Variants in FGF13 observed in about 807,000 individuals in gnomAD.
FGF13 encodes the protein fibroblast growth factor 13.
FGF13 carries 2 observed loss-of-function variants against 19.5 expected under a neutral mutation model. The ratio of observed to expected loss-of-function variants is 0.10; its 90% confidence interval spans 0.04 to 0.32. The LOEUF (loss-of-function observed/expected upper bound fraction) is 0.32, where lower values mean the gene tolerates loss of function less well. FGF13 is among the 10% of genes least tolerant of loss of function. FGF13 has a pLI of 1.00. For missense variants in FGF13, 113 were observed against 192.7 expected (o/e 0.59, Z 2.45); for synonymous variants, 72 against 76.9 (o/e 0.94, Z 0.33).
chrX:138,634,374 G>A (rs2089157549), intron 4 of FGF13, among the ~76,000 whole-genome samples: 1 of 112,191 alleles, frequency 8.9e-6, no homozygotes. Flanking sequence ...CACCGTGCCC[G>A]GCTGTGTATA....
At chrX:138,865,432 TTCTCTC>T (rs1304504230) in intron 1 of FGF13, among the ~76,000 whole-genome samples, 1 of 99,045 alleles carries the variant, frequency 1.0e-5, no homozygotes, top group East Asian at 3.3e-4. Flanking sequence ...CCTCTCTCTC[TTCTCTC>T]TCTCTCTCTC....
At chrX:139,033,501 G>A (rs1022127260) in intron 1 of FGF13, among the ~76,000 whole-genome samples, 1 of 111,801 alleles carries the variant, frequency 8.9e-6, no homozygotes. Flanking sequence ...AAAGCTCAGA[G>A]TGATGTATTG....
chrX:139,099,676 G>A (rs1182408001), intron 1 of FGF13, among the ~76,000 whole-genome samples: 2 of 111,259 alleles, frequency 1.8e-5, no homozygotes, highest in African/African-American at 6.6e-5. Flanking sequence ...CCAAAGAACT[G>A]TAGCTGAGGT....
chrX:138,811,175 G>T (rs1280994560), intron 3 of FGF13, among the ~76,000 whole-genome samples: 2 of 111,833 alleles, frequency 1.8e-5, no homozygotes, highest in East Asian at 5.6e-4. Context: ...ATTCACAATA[G>T]CAAAGACTTG....
chrX:139,183,180 C>T (rs1194454596), intron 1 of FGF13, among the ~76,000 whole-genome samples: 13 of 112,033 alleles, frequency 1.2e-4, no homozygotes, highest in African/African-American at 4.2e-4. Context: ...CAGGACACGC[C>T]AAAAACATGT....
chrX:138,881,832 ATCTTTTCAAAC>A (rs2091426799), intron 1 of FGF13, among the ~76,000 whole-genome samples: 1 of 110,331 alleles, frequency 9.1e-6, no homozygotes, highest in East Asian at 2.8e-4. Context: ...AATTGTTCTG[ATCTTTTCAAAC>A]GACCAACTTC....
At chrX:138,885,702 C>G (rs181417126) in intron 1 of FGF13, among the ~76,000 whole-genome samples, 2 of 107,545 alleles carry the variant, frequency 1.9e-5, no homozygotes, top group Non-Finnish European at 3.8e-5. Context: ...CTTCTCTAAC[C>G]CCCCCCGCCA....
intron 1 of FGF13, among the ~76,000 whole-genome samples, chrX:139,115,384 G>A (rs1444077211): frequency 1.8e-5 from 2 of 112,022 alleles, no homozygotes; most frequent in African/African-American, 6.5e-5. Context: ...CAATCACTAG[G>A]TGAGGCTTCC....
At chrX:138,992,316 A>G (rs1410071788) in intron 1 of FGF13, among the ~76,000 whole-genome samples, 1 of 111,548 alleles carries the variant, frequency 9.0e-6, no homozygotes, top group East Asian at 2.8e-4. Context: ...TTTATAGTGC[A>G]ATTGTTTTAG....
At chrX:139,096,160 G>A (rs1486593960) in intron 1 of FGF13, among the ~76,000 whole-genome samples, 1 of 111,814 alleles carries the variant, frequency 8.9e-6, no homozygotes, top group Non-Finnish European at 1.9e-5. Flanking sequence ...TTGCCTTCAA[G>A]AGGCTCACAA....
At chrX:139,107,261 A>G (rs1051389725) in intron 1 of FGF13, among the ~76,000 whole-genome samples, 1 of 112,010 alleles carries the variant, frequency 8.9e-6, no homozygotes, top group Non-Finnish European at 1.9e-5. Flanking sequence ...TTGTGAGAGT[A>G]GAAGCATATT....
chrX:138,857,690 C>T, intron 2 of FGF13: 1 of 1,141,508 alleles, frequency 8.8e-7, no homozygotes, highest in Non-Finnish European at 1.2e-6. Context: ...CTGTGGTCAC[C>T]ACATAACAAA....
rs931891578 is a variant in FGF13 at position 138,630,252 on chromosome X, G to A, written c.*2598C>T. On this transcript the variant is annotated 3_prime_UTR_variant, in exon 5 of 5. Coordinates refer to ENST00000315930, the MANE Select transcript of FGF13 (RefSeq NM_004114.5). Reference sequence around the variant, plus strand: ...CGCAGGCATCCCTGAGACCCACATAGTGCTAATTTGCTTACTACCAGCAGA... The same window carrying A: ...CGCAGGCATCCCTGAGACCCACATAATGCTAATTTGCTTACTACCAGCAGA... The A allele has an allele frequency of 9.1e-6, 1 of 109,429 alleles. No individual in the cohort carries two copies. The highest frequency in any genetic ancestry group is 9.8e-5 in the Admixed American group (1 of 10,194). The allele number at this position is 109,429 out of a possible 1,213,427, so 9.0% of individuals were successfully genotyped here.
chrX:138,800,824 C>T (rs773644244), intron 3 of FGF13, among the ~76,000 whole-genome samples: 1 of 111,935 alleles, frequency 8.9e-6, no homozygotes, highest in Non-Finnish European at 1.9e-5. Flanking sequence ...TGCTTTATTT[C>T]AGTAAGCTGA....
chrX:138,821,721 A>C (rs922593163), intron 3 of FGF13, among the ~76,000 whole-genome samples: 2 of 111,928 alleles, frequency 1.8e-5, no homozygotes, highest in Admixed American at 1.9e-4. Context: ...TGTGGCTTAC[A>C]TTATGTTTCT....
intron 1 of FGF13, among the ~76,000 whole-genome samples, chrX:139,114,556 T>G (rs1351193845): frequency 1.8e-5 from 2 of 111,539 alleles, no homozygotes; most frequent in African/African-American, 6.5e-5. Flanking sequence ...GGGCAAGGCA[T>G]TGGACTTATC....
At chrX:138,813,697 A>G (rs958136199) in intron 3 of FGF13, among the ~76,000 whole-genome samples, 1 of 112,146 alleles carries the variant, frequency 8.9e-6, no homozygotes, top group African/African-American at 3.2e-5. Context: ...ACTTTCACCT[A>G]TGCAATTCCA....
intron 3 of FGF13, among the ~76,000 whole-genome samples, chrX:138,701,228 T>C (rs1314103918): frequency 1.8e-5 from 2 of 112,458 alleles, no homozygotes; most frequent in African/African-American, 6.5e-5. Context: ...ATATCTGGCA[T>C]GTGCTTTCTC....
chrX:139,096,812 ATTT>A (rs768085575), intron 1 of FGF13, among the ~76,000 whole-genome samples: 2 of 112,039 alleles, frequency 1.8e-5, no homozygotes, highest in Non-Finnish European at 3.8e-5. Flanking sequence ...TAGAAAAAAA[ATTT>A]TTTAATTGAC....
Sources: allele counts gnomAD v4.1 joint callset (sites outside exome capture counted in the v4.1 genomes callset), GRCh38; gene constraint gnomAD v4.1.1; transcripts MANE v1.5; gene names NCBI Gene and HGNC (gene_info 2026-07-23, HGNC 2026-07-21).